The following DST variants were observed in gnomAD, a reference collection of about 807,000 sequenced individuals.
DST encodes dystonin.
In DST, 253 loss-of-function variants were observed where a neutral mutation model predicts 875.2. That is an observed-to-expected ratio of 0.29 (90% CI 0.26 to 0.32). DST has a LOEUF of 0.32. Ranked by LOEUF, DST falls within the 10% of genes least tolerant of loss-of-function variation. The probability of loss-of-function intolerance (pLI) is 1.00; values close to 1 mark genes in which losing one functional copy is unlikely to be tolerated. For synonymous variants in DST, 3,124 were observed against 3,197.1 expected (o/e 0.98, Z 0.77); for missense variants, 8,287 against 9,111.6 (o/e 0.91, Z 3.68).
rs1208917267 is a variant in DST at position 56,663,110 on chromosome 6, A to T, written c.1214+7531T>A. On this transcript the variant is annotated intron_variant, in intron 10 of 103. Coordinates refer to ENST00000680361, the MANE Select transcript of DST (RefSeq NM_001374736.1). ...TTCAGATATTTCCTCCAAATATTAC[A>T]TGCCAAATTACATCTCCCAAACTGT... is the stretch of plus-strand genomic sequence containing the variant. 2.0e-5 allele frequency among the ~76,000 whole-genome samples: 3 copies of T among 152,352 alleles called. No homozygotes were observed. The East Asian group carries it at 5.8e-4, about 29-fold the overall frequency.
At chr6:56,813,397 AAAAAT>A (rs1389738478) in intron 4 of DST, among the ~76,000 whole-genome samples, 8 of 151,830 alleles carry the variant, frequency 5.3e-5, no homozygotes, top group Non-Finnish European at 8.8e-5. Context: ...TAATAAAAAA[AAAAAT>A]AAAATAAAAT....
intron 98 of DST, chr6:56,467,126 C>G (rs1240120381): frequency 6.6e-6 from 1 of 152,072 alleles, no homozygotes; most frequent in Non-Finnish European, 1.5e-5. Context: ...TAAAAACTAC[C>G]AGACTGAATT....
intron 9 of DST, among the ~76,000 whole-genome samples, chr6:56,672,522 T>C (rs1297209355): frequency 6.6e-6 from 1 of 152,062 alleles, no homozygotes; most frequent in Non-Finnish European, 1.5e-5. Context: ...CAGCATAAAA[T>C]TTACCAATAT....
intron 3 of DST, among the ~76,000 whole-genome samples, chr6:56,882,723 G>C (rs1782792010): frequency 6.6e-6 from 1 of 152,136 alleles, no homozygotes; most frequent in Non-Finnish European, 1.5e-5. Flanking sequence ...AATTTCATGA[G>C]CTCTGTGAAA....
At chr6:56,914,114 A>G (rs986172308) in intron 2 of DST, among the ~76,000 whole-genome samples, 3 of 152,166 alleles carry the variant, frequency 2.0e-5, no homozygotes, top group African/African-American at 4.8e-5. Flanking sequence ...GAATTCATCA[A>G]CTTCATGTTT....
At chr6:56,477,239 G>T (rs1562244728) in intron 91 of DST, 106 bp downstream of exon 91, 2 of 1,216,154 alleles carry the variant, frequency 1.6e-6, no homozygotes, top group Non-Finnish European at 2.3e-6. Flanking sequence ...CTATGTAGAG[G>T]TCTCATTTTC....
chr6:56,606,414 A>G lies in DST; in HGVS notation c.8214T>C (p.Ser2738=). ...ECTNILEGDE[S]DSLTDYDIVG... is the part of the protein sequence containing the mutation. ...CAATATCATAATCAGTCAATGAGTC[A>G]GATTCATCACCTTCAAGGATATTTG... Residue 2738 remains serine (S), a synonymous_variant, in exon 40 of 104, where the codon TCT becomes TCC. Transcript: ENST00000680361. 1 of 1,613,442 alleles carries G rather than the reference A, an allele frequency of 6.2e-7. No homozygotes were observed. Among genetic ancestry groups the G allele is most frequent in the Non-Finnish European group, 8.5e-7 (1 of 1,179,606 alleles).
intron 95 of DST, 82 bp from the exon 96 acceptor site, chr6:56,470,364 G>T: frequency 8.5e-7 from 1 of 1,173,666 alleles, no homozygotes; most frequent in Non-Finnish European, 1.2e-6. Context: ...CAATCTCAGT[G>T]TAGCTGGTTA....
In DST at chr6:56,535,262, C is replaced by A; in HGVS notation, c.16801G>T (p.Ala5601Ser). 1 of 1,600,054 alleles carries A rather than the reference C, an allele frequency of 6.2e-7. No homozygotes were observed. Among genetic ancestry groups the A allele is most frequent in the African/African-American group, 1.3e-5 (1 of 74,280 alleles). The part of the protein sequence containing the change: ...VAQRAAQLQE[A>S]LLHCGRFQDA... ...TGGAACCTCCCACAGTGCAGCAAGG[C>A]CTCCTGCAGCTGGGCTGCTCGCTGA... Residue 5601 changes from alanine to serine, a missense_variant, in exon 63 of 104, where the codon GCC (alanine) becomes TCC (serine). Ala to Ser is a moderately conservative substitution (Grantham distance 99). Around this residue, in one of 10 missense-constraint regions of DST, gnomAD observed 777 missense variants for 764.8 expected, o/e 1.02. Transcript: ENST00000680361.
At chr6:56,498,376 T>G (rs2095995683) in intron 80 of DST, among the ~76,000 whole-genome samples, 1 of 152,250 alleles carries the variant, frequency 6.6e-6, no homozygotes, top group Admixed American at 6.5e-5. Context: ...AGTCTCACTA[T>G]GTTGCCCAGG....
intron 4 of DST, among the ~76,000 whole-genome samples, chr6:56,848,561 C>G (rs1254048287): frequency 6.6e-6 from 1 of 152,158 alleles, no homozygotes; most frequent in African/African-American, 2.4e-5. Context: ...AACCTGTACC[C>G]TCATCCTCAC....
rs2098413575 is a variant in DST, at chr6:56,598,474, AC to A, written c.11928+1del. The A allele has an allele frequency of 6.5e-7, 1 of 1,543,936 alleles. No homozygotes were observed. ...TAGTGCACCACATATTTGAATAAGGACCTTTTCAGTTTCTTCCTTGATTGCT... is the reference window on the plus strand; with the variant it reads ...TAGTGCACCACATATTTGAATAAGGACTTTTCAGTTTCTTCCTTGATTGCT... On this transcript the variant is annotated splice_donor_variant, in intron 46 of 103. Transcript: ENST00000680361. LOFTEE classifies it high-confidence loss of function.
chr6:56,826,604 T>C (rs935206794), intron 4 of DST, among the ~76,000 whole-genome samples: 1 of 152,228 alleles, frequency 6.6e-6, no homozygotes, highest in Non-Finnish European at 1.5e-5. Context: ...CATAATCATG[T>C]GCCTTTTAAT....
rs751015571 is a variant in DST at position 56,572,256 on chromosome 6, G to T, written c.13565C>A (p.Ser4522Tyr). Residue 4522 changes from serine (S) to tyrosine (Y), a missense_variant, in exon 53 of 104, where the codon TCT becomes TAT. Physicochemically the swap from Ser to Tyr is moderately radical, Grantham distance 144. Transcript: ENST00000680361. ...ELSQYMQEST[S>Y]EFLEHKKHLE... ...ATGTTTCTTGTGTTCTAAAAATTCA[G>T]AAGTTGATTCCTACAAAGCATTAAG... 11 of 1,558,842 alleles carry T rather than the reference G, an allele frequency of 7.1e-6. No homozygotes were observed. Among genetic ancestry groups the T allele is most frequent in the Non-Finnish European group, 9.6e-6 (11 of 1,151,700 alleles).
chr6:56,467,875 A>G (rs543536331), intron 98 of DST, among the ~76,000 whole-genome samples: 1 of 152,268 alleles, frequency 6.6e-6, no homozygotes, highest in East Asian at 1.9e-4. Flanking sequence ...CTTTTGAGGT[A>G]TTTCTCTCAT....
chr6:56,603,503 C>A (rs2152706677), intron 41 of DST, 61 bp downstream of exon 41: 1 of 1,588,992 alleles, frequency 6.3e-7, no homozygotes, highest in Non-Finnish European at 8.6e-7. Context: ...TGTTCTGCTT[C>A]TTTTTCCCAG....
At position 56,814,297 on chromosome 6, in the gene DST, G is replaced by A. The variant is rs116820148; in HGVS notation, c.625+37100C>T. Among the ~76,000 whole-genome samples the A allele has an allele frequency of 5.6e-3, 848 of 152,130 alleles. 11 individuals are homozygous for A. The highest frequency in any genetic ancestry group is 0.019 in the African/African-American group (782 of 41,506). On this transcript the variant is annotated intron_variant, in intron 4 of 103. Transcript: ENST00000680361. ...AAGTTTTACTTTTACCATTACACAA[G>A]GTATTTTTGTATGAAATATGATGCT...
intron 4 of DST, among the ~76,000 whole-genome samples, chr6:56,756,221 C>T (rs2099602663): frequency 6.6e-6 from 1 of 151,964 alleles, no homozygotes; most frequent in Non-Finnish European, 1.5e-5. Context: ...TTGGTACAGA[C>T]CAGACACAGA....
intron 5 of DST, among the ~76,000 whole-genome samples, chr6:56,713,082 T>C (rs1276017312): frequency 6.6e-6 from 1 of 152,210 alleles, no homozygotes; most frequent in Non-Finnish European, 1.5e-5. Context: ...TCTTTATACC[T>C]ACCTATCATT....
Sources: gnomAD v4.1 joint callset for allele counts (sites outside exome capture counted in the v4.1 genomes callset) on GRCh38, gnomAD v4.1.1 for gene constraint, gnomAD v4.1.1 regional missense constraint, MANE v1.5 for transcripts, NCBI Gene and HGNC (gene_info 2026-07-23, HGNC 2026-07-21) for gene names.